OSGIN2: variants seen among roughly 807,000 people sequenced by gnomAD.
The protein encoded by OSGIN2 is oxidative stress-induced growth inhibitor 2.
OSGIN2 carries 19 observed loss-of-function variants against 53.8 expected under a neutral mutation model. That is an observed-to-expected ratio of 0.35 (90% CI 0.25 to 0.52). The LOEUF (loss-of-function observed/expected upper bound fraction) is 0.52. OSGIN2 is among the 20% of genes least tolerant of loss of function. The pLI is 0.95. For missense variants in OSGIN2, 520 were observed against 662.7 expected, an observed-to-expected ratio of 0.78 and a Z score of 2.36; for synonymous variants, 236 against 236.0, an observed-to-expected ratio of 1.00 and a Z score of 0.00.
Position 89,917,089 on chromosome 8 carries a change from A to C in OSGIN2, c.528+2343A>C, listed in dbSNP as rs562222285. Among the ~76,000 whole-genome samples, 14 of 152,238 alleles carry C rather than the reference A, an allele frequency of 9.2e-5. 1 individual carries two copies. The South Asian group carries it at 2.9e-3, about 32-fold the overall frequency. On this transcript the variant is annotated intron_variant, in intron 4 of 5. Coordinates refer to ENST00000451899, the MANE Select transcript of OSGIN2 (RefSeq NM_001126111.3). ...ATTCATGGGTCTTCCATTATATCCC[A>C]AGTTTTGTTACCACCTTGAATAATT...
At chr8:89,924,081 A>G (rs1213782463) in intron 5 of OSGIN2, among the ~76,000 whole-genome samples, 1 of 147,312 alleles carries the variant, frequency 6.8e-6, no homozygotes, top group African/African-American at 2.7e-5. Flanking sequence ...TTTAAGAAGC[A>G]TAGATATTAG....
At chr8:89,912,489 C>T (rs1043794693) in intron 2 of OSGIN2, among the ~76,000 whole-genome samples, 1 of 152,076 alleles carries the variant, frequency 6.6e-6, no homozygotes, top group Non-Finnish European at 1.5e-5. Flanking sequence ...GGCGTGATGG[C>T]TCATACTTGT....
intron 5 of OSGIN2, among the ~76,000 whole-genome samples, chr8:89,921,793 C>T (rs1809210222): frequency 6.6e-6 from 1 of 152,100 alleles, no homozygotes; most frequent in African/African-American, 2.4e-5. Flanking sequence ...GCCAGCTTGA[C>T]CAACATGGTG....
intron 1 of OSGIN2, among the ~76,000 whole-genome samples, chr8:89,907,190 T>A (rs1026709164): frequency 1.1e-4 from 16 of 152,186 alleles, no homozygotes; most frequent in African/African-American, 3.9e-4. Context: ...TTGCAAAAAT[T>A]TTCTCCCATT....
intron 5 of OSGIN2, among the ~76,000 whole-genome samples, chr8:89,923,860 T>G (rs1809257028): frequency 6.6e-6 from 1 of 151,874 alleles, no homozygotes. Context: ...GCTTTGAACT[T>G]TGGAAAATGA....
chr8:89,902,835 CA>C lies in OSGIN2; in HGVS notation c.43del (p.Arg15GlufsTer16). ...GCCGCTGCTCCCTGGCCGGTCATTT[CA>C]GGTGACTTCCTCGCCGGGGATGGGA... ...CCRCSLAGHFRNYSDTETEGE... is the reference protein window; with the variant it reads ...CCRCSLAGHFXNYSDTETEGE... On this transcript the variant is annotated frameshift_variant and splice_region_variant, in exon 1 of 6. Transcript: ENST00000451899. LOFTEE classifies it high-confidence loss of function. The C allele has an allele frequency of 7.2e-7, 1 of 1,379,812 alleles. No individual in the cohort carries two copies. Among genetic ancestry groups the C allele is most frequent in the South Asian group, 1.7e-5 (1 of 58,880 alleles). 85.5% of individuals were successfully genotyped at this position (1,379,812 alleles called of 1,614,324 possible).
intron 5 of OSGIN2, among the ~76,000 whole-genome samples, chr8:89,923,391 A>T (rs1377563248): frequency 2.0e-5 from 3 of 152,136 alleles, no homozygotes; most frequent in African/African-American, 7.2e-5. Context: ...TCAAAAGAAA[A>T]ATTTTTGTGA....
Position 89,926,764 on chromosome 8 carries a change from T to G in OSGIN2, c.*1232T>G, listed in dbSNP as rs1417692343. The stretch of plus-strand genomic sequence containing the variant: ...TTTCAGTCATTTTCTTTTCTTTTTT[T>G]GGTACAATTACTTCATCTGGAATGT... On this transcript the variant is annotated 3_prime_UTR_variant, in exon 6 of 6. Coordinates refer to ENST00000451899, the MANE Select transcript of OSGIN2 (RefSeq NM_001126111.3). The G allele has an allele frequency of 1.3e-5, 2 of 152,226 alleles. No individual in the cohort carries two copies. The highest frequency in any genetic ancestry group is 3.8e-4 in the East Asian group (2 of 5,202). 9.4% of individuals were successfully genotyped at this position (152,226 alleles called of 1,614,324 possible). A position where few individuals can be genotyped will look rare whatever the true frequency, so the allele number is the denominator to read the frequency against.
At chr8:89,905,971 A>C (rs1018005727) in intron 1 of OSGIN2, among the ~76,000 whole-genome samples, 6 of 152,234 alleles carry the variant, frequency 3.9e-5, no homozygotes, top group Non-Finnish European at 7.3e-5. Context: ...CATAAGAATA[A>C]ATTTAATAAA....
intron 4 of OSGIN2, among the ~76,000 whole-genome samples, chr8:89,915,143 T>TA (rs765227822): frequency 8.5e-5 from 13 of 152,226 alleles, no homozygotes; most frequent in Non-Finnish European, 5.9e-5. Flanking sequence ...GAGGTTGTGT[T>TA]AGTCTGCTTG....
intron 1 of OSGIN2, among the ~76,000 whole-genome samples, chr8:89,907,674 T>C (rs1162092588): frequency 6.6e-6 from 1 of 152,220 alleles, no homozygotes; most frequent in Non-Finnish European, 1.5e-5. Context: ...TGTAGAATAG[T>C]CTGAAGTCAG....
In OSGIN2 at chr8:89,902,911, G is replaced by C. The variant is rs987044485; in HGVS notation, c.44+74G>C. 4.5e-6 allele frequency: 5 copies of C among 1,118,798 alleles called. No homozygotes were observed. In the African/African-American group the frequency reaches 6.5e-5, roughly 15 times the overall value. 69.3% of individuals were successfully genotyped at this position (1,118,798 alleles called of 1,614,324 possible). A position where few individuals can be genotyped will look rare whatever the true frequency, so the allele number is the denominator to read the frequency against. ...TCTCGAGCTTTTTGGCCTGGCCCGG[G>C]CCGGGACCGGGGTGGAGGGCGAGCG... is the stretch of plus-strand genomic sequence containing the variant. On this transcript the variant is annotated intron_variant, in intron 1 of 5. Transcript: ENST00000451899.
chr8:89,927,644 G>C lies in OSGIN2; in HGVS notation c.*2112G>C, dbSNP rs547685115. On this transcript the variant is annotated 3_prime_UTR_variant, in exon 6 of 6. Coordinates refer to ENST00000451899, the MANE Select transcript of OSGIN2 (RefSeq NM_001126111.3). Reference sequence around the variant, plus strand: ...TCTGGCAAACAGTCCATAATTAGCAGATGTTGAAAGACCGTTTACAAAGCA... The same window carrying C: ...TCTGGCAAACAGTCCATAATTAGCACATGTTGAAAGACCGTTTACAAAGCA... 5.1e-4 allele frequency: 77 copies of C among 152,320 alleles called. No homozygotes were observed. The highest frequency in any genetic ancestry group is 1.8e-3 in the African/African-American group (75 of 41,570). The allele number at this position is 152,320 out of a possible 1,614,324, so 9.4% of individuals were successfully genotyped here. A position where few individuals can be genotyped will look rare whatever the true frequency, so the allele number is the denominator to read the frequency against.
intron 5 of OSGIN2, among the ~76,000 whole-genome samples, chr8:89,922,972 C>T (rs1413798376): frequency 3.3e-5 from 5 of 151,914 alleles, no homozygotes; most frequent in South Asian, 2.1e-4. Flanking sequence ...AGTAAAAATA[C>T]GATATAAAAG....
Position 89,908,844 on chromosome 8 carries a change from A to T in OSGIN2, c.45-723A>T, listed in dbSNP as rs1465767499. 2.0e-5 allele frequency among the ~76,000 whole-genome samples: 3 copies of T among 150,902 alleles called. No homozygotes were observed. In the East Asian group the frequency reaches 5.8e-4, roughly 29 times the overall value. On this transcript the variant is annotated intron_variant, in intron 1 of 5. Transcript: ENST00000451899. ...GGTAACATAGCGAGATCCTATCTCT[A>T]CCAAAAAATATTTTTTAAATTAGCC...
rs1373748495 is a variant in OSGIN2 at position 89,902,839 on chromosome 8, T to G, written c.44+2T>G. 7.3e-7 allele frequency: 1 copy of G among 1,378,996 alleles called. No individual in the cohort carries two copies. The highest frequency in any genetic ancestry group is 9.6e-7 in the Non-Finnish European group (1 of 1,046,356). The allele number at this position is 1,378,996 out of a possible 1,614,324, so 85.4% of individuals were successfully genotyped here. A position where few individuals can be genotyped will look rare whatever the true frequency, so the allele number is the denominator to read the frequency against. ...CTGCTCCCTGGCCGGTCATTTCAGG[T>G]GACTTCCTCGCCGGGGATGGGAGGG... On this transcript the variant is annotated splice_donor_variant, in intron 1 of 5. Coordinates refer to ENST00000451899, the MANE Select transcript of OSGIN2 (RefSeq NM_001126111.3). LOFTEE classifies it high-confidence loss of function.
At chr8:89,916,656 T>G (rs1809085582) in intron 4 of OSGIN2, among the ~76,000 whole-genome samples, 1 of 152,234 alleles carries the variant, frequency 6.6e-6, no homozygotes, top group Non-Finnish European at 1.5e-5. Flanking sequence ...CTGTTTCTCT[T>G]GTGATCTAGT....
Position 89,925,021 on chromosome 8 carries a change from C to G in OSGIN2, c.1139C>G (p.Thr380Ser), listed in dbSNP as rs1324661026. The change falls in exon 6 of 6, where the codon ACT becomes AGT. Residue 380 changes from threonine to serine, a missense_variant. Thr to Ser is a moderately conservative substitution (Grantham distance 58, BLOSUM62 1). Coordinates refer to ENST00000451899, the MANE Select transcript of OSGIN2 (RefSeq NM_001126111.3). Reference protein sequence around the residue: ...PVIHVFRRRVTDPSLIFKQLP... With the variant: ...PVIHVFRRRVSDPSLIFKQLP... Reference sequence around the variant, plus strand: ...ATTCATGTGTTTCGCAGACGAGTAACTGATCCAAGCTTAATTTTCAAACAG... The same window carrying G: ...ATTCATGTGTTTCGCAGACGAGTAAGTGATCCAAGCTTAATTTTCAAACAG... 1 of 1,613,838 alleles carries G rather than the reference C, an allele frequency of 6.2e-7. No homozygotes were observed. Among genetic ancestry groups the G allele is most frequent in the Non-Finnish European group, 8.5e-7 (1 of 1,179,716 alleles).
intron 5 of OSGIN2, among the ~76,000 whole-genome samples, chr8:89,923,947 A>G (rs1809259522): frequency 6.6e-6 from 1 of 152,200 alleles, no homozygotes; most frequent in Non-Finnish European, 1.5e-5. Context: ...ATAGAGTGAA[A>G]TGTCATCTGT....
Sources: gnomAD v4.1 joint callset for allele counts (sites outside exome capture counted in the v4.1 genomes callset) on GRCh38, gnomAD v4.1.1 for gene constraint, MANE v1.5 for transcripts, NCBI Gene and HGNC (gene_info 2026-07-23, HGNC 2026-07-21) for gene names.